The following BTBD18 variants were observed in gnomAD, a reference collection of about 807,000 sequenced individuals.
BTBD18 encodes the protein BTB domain containing 18, also known as BTB/POZ domain-containing protein 18.
For synonymous variants in BTBD18, 311 were observed against 324.4 expected (o/e 0.96, Z 0.44); for missense variants, 787 against 846.3 (o/e 0.93, Z 0.87).
In BTBD18 at chr11:57,745,088, C is replaced by G. The variant is rs1949163029; in HGVS notation, c.1185G>C (p.Glu395Asp). 1 of 1,551,562 alleles carries G rather than the reference C, an allele frequency of 6.4e-7. No homozygotes were observed. The highest frequency in any genetic ancestry group is 2.0e-5 in the Admixed American group (1 of 50,980). Reference protein sequence around the residue: ...QIPDPGGDFQEPSGTQPFSSN... With the variant: ...QIPDPGGDFQDPSGTQPFSSN... ...TGGAGAATGGCTGAGTTCCTGAAGG[C>G]TCTTGGAAGTCTCCTCCGGGATCTG... Residue 395 changes from glutamate (E) to aspartate (D), a missense_variant, in exon 3 of 3, where the codon GAG (glutamate) becomes GAC (aspartate). Coordinates refer to ENST00000422652, the MANE Select transcript of BTBD18 (RefSeq NM_001145101.3).
At position 57,751,047 on chromosome 11, in the gene BTBD18, T is replaced by G; in HGVS notation, c.124+18A>C. On this transcript the variant is annotated intron_variant, in intron 2 of 2. Transcript: ENST00000422652. ...ATTCTATGGTGAGTTTTCAGTTGAA[T>G]TCCGACCACTCTCTTACCTTCTGCC... 5.9e-6 allele frequency: 9 copies of G among 1,515,196 alleles called. No homozygotes were observed. The highest frequency in any genetic ancestry group is 7.9e-6 in the Non-Finnish European group (9 of 1,133,798). The allele number at this position is 1,515,196 out of a possible 1,614,324, so 93.9% of individuals were successfully genotyped here.
At position 57,743,992 on chromosome 11, in the gene BTBD18, G is replaced by A. The variant is rs2135686123; in HGVS notation, c.*142C>T. ...TTCTGCCTGGCTTCTGAGGCTTAGGGAAGGGAGGAAGGGACCTACAAAGAG... is the reference window on the plus strand; with the variant it reads ...TTCTGCCTGGCTTCTGAGGCTTAGGAAAGGGAGGAAGGGACCTACAAAGAG... On this transcript the variant is annotated 3_prime_UTR_variant, in exon 3 of 3. Coordinates refer to ENST00000422652, the MANE Select transcript of BTBD18 (RefSeq NM_001145101.3). 1.7e-6 allele frequency: 1 copy of A among 600,930 alleles called. No individual in the cohort carries two copies. Among genetic ancestry groups the A allele is most frequent in the Non-Finnish European group, 2.9e-6 (1 of 341,856 alleles). The allele number at this position is 600,930 out of a possible 1,614,324, so 37.2% of individuals were successfully genotyped here. A position where few individuals can be genotyped will look rare whatever the true frequency, so the allele number is the denominator to read the frequency against.
At chr11:57,748,348 A>G (rs1430151263) in intron 2 of BTBD18, among the ~76,000 whole-genome samples, 1 of 152,214 alleles carries the variant, frequency 6.6e-6, no homozygotes, top group Non-Finnish European at 1.5e-5. Context: ...TAAAGTAGCT[A>G]CTGTTATTAT....
chr11:57,746,571 G>A (rs1019891211), intron 2 of BTBD18, among the ~76,000 whole-genome samples: 5 of 152,008 alleles, frequency 3.3e-5, no homozygotes, highest in Admixed American at 6.6e-5. Context: ...TGATCCACCC[G>A]CCTCGGCCTC....
rs1949177621 is a variant in BTBD18 at position 57,745,773 on chromosome 11, A to G, written c.500T>C (p.Leu167Pro). 3 of 1,551,244 alleles carry G rather than the reference A, an allele frequency of 1.9e-6. No individual in the cohort carries two copies. The East Asian group carries it at 7.3e-5, about 38-fold the overall frequency. Residue 167 changes from leucine (L) to proline (P), a missense_variant, in exon 3 of 3, where the codon CTG becomes CCG. Coordinates refer to ENST00000422652, the MANE Select transcript of BTBD18 (RefSeq NM_001145101.3). ...VTPSHHPHTP[L>P]PTNQTPCPLG... ...AGGACAAGGAGTTTGATTAGTGGGC[A>G]GTGGGGTGTGAGGGTGGTGGCTGGG...
chr11:57,751,144 C>A lies in BTBD18; in HGVS notation c.45G>T (p.Arg15=), dbSNP rs1306902903. ...GCTGCAGAAAAGCTAACCTGAGGAA[C>A]CGGGGGTTCCTGTATAGGATTTTGG... is the stretch of plus-strand genomic sequence containing the variant. ...ASPKILYRNP[R]FLRLAFLQLH... is the part of the protein sequence containing the mutation. Residue 15 remains arginine, a synonymous_variant, in exon 2 of 3, where the codon CGG becomes CGT. Coordinates refer to ENST00000422652, the MANE Select transcript of BTBD18 (RefSeq NM_001145101.3). The A allele has an allele frequency of 6.5e-6, 10 of 1,550,222 alleles. No individual in the cohort carries two copies. Among genetic ancestry groups the A allele is most frequent in the African/African-American group, 1.4e-5 (1 of 72,978 alleles).
intron 1 of BTBD18, 144 bp downstream of exon 1, chr11:57,751,397 T>G: frequency 2.3e-6 from 1 of 433,910 alleles, no homozygotes. Flanking sequence ...AAAATTATCA[T>G]AGTGGTTACA....
At chr11:57,749,648 A>G (rs1949261814) in intron 2 of BTBD18, among the ~76,000 whole-genome samples, 1 of 150,270 alleles carries the variant, frequency 6.7e-6, no homozygotes, top group Non-Finnish European at 1.5e-5. Flanking sequence ...TACTCAGGAG[A>G]CTGAGGGAGG....
chr11:57,743,905 G>A lies in BTBD18; in HGVS notation c.*229C>T, dbSNP rs760299808. On this transcript the variant is annotated 3_prime_UTR_variant, in exon 3 of 3. Coordinates refer to ENST00000422652, the MANE Select transcript of BTBD18 (RefSeq NM_001145101.3). Reference sequence around the variant, plus strand: ...CAGTTTGTTTCAGTTGTCACTAACCGGAAAATAGATTACAAATAAGATGGT... The same window carrying A: ...CAGTTTGTTTCAGTTGTCACTAACCAGAAAATAGATTACAAATAAGATGGT... 15 of 450,082 alleles carry A rather than the reference G, an allele frequency of 3.3e-5. No individual in the cohort carries two copies. Among genetic ancestry groups the A allele is most frequent in the South Asian group, 7.5e-5 (2 of 26,802 alleles). 27.9% of individuals were successfully genotyped at this position (450,082 alleles called of 1,614,324 possible). A position where few individuals can be genotyped will look rare whatever the true frequency, so the allele number is the denominator to read the frequency against.
At chr11:57,751,009 C>G (rs1003660965) in intron 2 of BTBD18, 56 bp downstream of exon 2, 21 of 1,429,956 alleles carry the variant, frequency 1.5e-5, no homozygotes, top group Non-Finnish European at 1.9e-5. Flanking sequence ...TGGCTCTGAA[C>G]TCATTTTATC....
intron 2 of BTBD18, among the ~76,000 whole-genome samples, chr11:57,750,169 A>T (rs1207739061): frequency 6.6e-6 from 1 of 151,662 alleles, no homozygotes; most frequent in Non-Finnish European, 1.5e-5. Context: ...TGAGGTCAGG[A>T]GTTCGAGACC....
Position 57,745,959 on chromosome 11 carries a change from GCTT to G in BTBD18, c.311_313del (p.Glu104del), listed in dbSNP as rs1390975713. 2 of 1,551,630 alleles carry G rather than the reference GCTT, an allele frequency of 1.3e-6. No homozygotes were observed. The highest frequency in any genetic ancestry group is 2.4e-5 in the East Asian group (1 of 40,910). ...ACGGGCAGCAGATAGCACATCCTGG[GCTT>G]CTTCTTGAGATACTTCCATTTCTGA... On this transcript the variant is annotated inframe_deletion, in exon 3 of 3. Coordinates refer to ENST00000422652, the MANE Select transcript of BTBD18 (RefSeq NM_001145101.3).
chr11:57,748,838 A>AGTAT (rs1169803173), intron 2 of BTBD18, among the ~76,000 whole-genome samples: 2 of 152,242 alleles, frequency 1.3e-5, no homozygotes, highest in Non-Finnish European at 2.9e-5. Context: ...AAAACTGTTC[A>AGTAT]GTATGTCTCC....
rs925102391 is a variant in BTBD18, at chr11:57,746,044, C to T, written c.229G>A (p.Glu77Lys). Residue 77 changes from glutamate to lysine, a missense_variant, in exon 3 of 3, where the codon GAG becomes AAG. Transcript: ENST00000422652. Reference sequence around the variant, plus strand: ...GTGCTGATCTTCAGGCCACCCAGCTCTAGCACCACCTTCCCACCCTGAGCT... The same window carrying T: ...GTGCTGATCTTCAGGCCACCCAGCTTTAGCACCACCTTCCCACCCTGAGCT... ...RPAQGGKVVLELGGLKISTLR... is the reference protein window; with the variant it reads ...RPAQGGKVVLKLGGLKISTLR... 1.3e-5 allele frequency: 20 copies of T among 1,551,580 alleles called. No individual in the cohort carries two copies. In the Admixed American group the frequency reaches 3.7e-4, roughly 29 times the overall value.
intron 2 of BTBD18, among the ~76,000 whole-genome samples, chr11:57,749,167 A>C (rs971917918): frequency 3.3e-5 from 5 of 152,186 alleles, no homozygotes; most frequent in African/African-American, 1.2e-4. Flanking sequence ...TGACTTACCC[A>C]ATTATATTTT....
At chr11:57,747,699 A>T (rs1949223715) in intron 2 of BTBD18, among the ~76,000 whole-genome samples, 1 of 151,938 alleles carries the variant, frequency 6.6e-6, no homozygotes, top group African/African-American at 2.4e-5. Context: ...GGGTTTCACC[A>T]TGTTGGCCAG....
chr11:57,745,299 T>C lies in BTBD18; in HGVS notation c.974A>G (p.Asn325Ser). 1 of 1,551,546 alleles carries C rather than the reference T, an allele frequency of 6.4e-7. No homozygotes were observed. ...GRASPLQSTP[N>S]PSGLGKTGGS... ...ACCTGTCTTTCCCAGACCAGATGGG[T>C]TTGGGGTGCTCTGCAGAGGACTAGC... The change falls in exon 3 of 3, where the codon AAC becomes AGC. Residue 325 changes from asparagine (N) to serine (S), a missense_variant. By Grantham distance (46) the Asn-to-Ser change is conservative (BLOSUM62 1). Coordinates refer to ENST00000422652, the MANE Select transcript of BTBD18 (RefSeq NM_001145101.3).
rs1220960093 is a variant in BTBD18 at position 57,751,813 on chromosome 11, A to G, written c.-321T>C. 6.6e-6 allele frequency: 1 copy of G among 152,158 alleles called. No individual in the cohort carries two copies. The highest frequency in any genetic ancestry group is 2.4e-5 in the African/African-American group (1 of 41,430). 9.4% of individuals were successfully genotyped at this position (152,158 alleles called of 1,614,324 possible). Reference sequence around the variant, plus strand: ...TATAAAATTATCTCTAGTAAGTCGTATGCGCCTTTTCTCTGAGCTCACTGT... The same window carrying G: ...TATAAAATTATCTCTAGTAAGTCGTGTGCGCCTTTTCTCTGAGCTCACTGT... On this transcript the variant is annotated 5_prime_UTR_variant, in exon 1 of 3. Coordinates refer to ENST00000422652, the MANE Select transcript of BTBD18 (RefSeq NM_001145101.3).
At chr11:57,753,132 AGC>A (rs1949350723), upstream of BTBD18, 1 of 151,770 alleles carries the variant, frequency 6.6e-6, no homozygotes, top group African/African-American at 2.4e-5. Flanking sequence ...CCACCGTCCT[AGC>A]GCGCTGCGCG....
Sources: gnomAD v4.1 joint callset for allele counts (sites outside exome capture counted in the v4.1 genomes callset) on GRCh38, gnomAD v4.1.1 for gene constraint, MANE v1.5 for transcripts, NCBI Gene and HGNC (gene_info 2026-07-23, HGNC 2026-07-21) for gene names.